The following SZT2 variants were observed in gnomAD, a reference collection of about 807,000 sequenced individuals.
The protein encoded by SZT2 is KICSTOR complex protein SZT2.
In SZT2, 216 loss-of-function variants were observed where a neutral mutation model predicts 404.2. The ratio of observed to expected loss-of-function variants is 0.53; its 90% CI spans 0.48 to 0.60. The LOEUF (loss-of-function observed/expected upper bound fraction) is 0.60. SZT2 is among the 20% of genes least tolerant of loss of function. SZT2 has a pLI of 0.00. For missense variants in SZT2, 3,857 were observed against 4,459.2 expected (o/e 0.86, Z 3.85); for synonymous variants, 1,693 against 1,749.9 (o/e 0.97, Z 0.81).
At position 43,425,587 on chromosome 1, in the gene SZT2, G is replaced by A. The variant is rs764539994; in HGVS notation, c.2759G>A (p.Gly920Asp). 5.6e-6 allele frequency: 9 copies of A among 1,614,164 alleles called. No homozygotes were observed. Among genetic ancestry groups the A allele is most frequent in the African/African-American group, 1.3e-5 (1 of 75,034 alleles). Reference protein sequence around the residue: ...VEPQYGRVGPGPGIWKHLQDL... With the variant: ...VEPQYGRVGPDPGIWKHLQDL... Reference sequence around the variant, plus strand: ...CCACAGTATGGGCGAGTGGGACCTGGCCCTGGAATCTGGAAGCACCTCCAG... The same window carrying A: ...CCACAGTATGGGCGAGTGGGACCTGACCCTGGAATCTGGAAGCACCTCCAG... The change falls in exon 19 of 72, where the codon GGC becomes GAC. Residue 920 changes from glycine to aspartate, a missense_variant. By Grantham distance (94) the Gly-to-Asp change is moderately conservative. Around this residue, in one of 7 missense-constraint regions of SZT2, gnomAD observed 1,725 missense variants for 1,881.0 expected, o/e 0.92. Coordinates refer to ENST00000634258, the MANE Select transcript of SZT2 (RefSeq NM_001365999.1). This position sits in a 1 kb window ranked among gnomAD's most constrained non-coding sequence, Gnocchi z 4.3.
chr1:43,404,779 C>T, intron 4 of SZT2: 1 of 434,956 alleles, frequency 2.3e-6, no homozygotes. Context: ...GTTGATTGGA[C>T]ACCTGCCTTT....
intron 4 of SZT2, chr1:43,409,967 A>G (rs1490246230): frequency 6.6e-6 from 1 of 152,304 alleles, no homozygotes; most frequent in Non-Finnish European, 1.5e-5. Flanking sequence ...ATTCTGAGCA[A>G]AACAAACAAA....
Position 43,422,318 on chromosome 1 carries a change from T to C in SZT2, c.1769+93T>C, listed in dbSNP as rs1570628606. On this transcript the variant is annotated intron_variant, in intron 12 of 71. Coordinates refer to ENST00000634258, the MANE Select transcript of SZT2 (RefSeq NM_001365999.1). ...GGAAGGGGAGCAGCAGATGAGCTCT[T>C]ACCAACTGTGGCCAAGGAAAAACTA... 8.0e-6 allele frequency: 12 copies of C among 1,498,976 alleles called. No individual in the cohort carries two copies. The East Asian group carries it at 2.7e-4, about 34-fold the overall frequency. The allele number at this position is 1,498,976 out of a possible 1,614,324, so 92.9% of individuals were successfully genotyped here.
intron 39 of SZT2, 44 bp downstream of exon 39, chr1:43,432,843 G>A: frequency 6.2e-7 from 1 of 1,606,656 alleles, no homozygotes; most frequent in African/African-American, 1.3e-5. Flanking sequence ...CTGATGGGAG[G>A]TGGGCTTAGG....
chr1:43,442,509 T>C lies in SZT2; in HGVS notation c.8042T>C (p.Leu2681Pro), dbSNP rs1246762862. 1 of 1,614,054 alleles carries C rather than the reference T, an allele frequency of 6.2e-7. No homozygotes were observed. The highest frequency in any genetic ancestry group is 8.5e-7 in the Non-Finnish European group (1 of 1,180,030). Residue 2681 changes from leucine (L) to proline (P), a missense_variant, in exon 58 of 72, where the codon CTG (leucine) becomes CCG (proline). Transcript: ENST00000634258. This position sits in a 1 kb window ranked among gnomAD's most constrained non-coding sequence, Gnocchi z 4.5. The part of the protein sequence containing the change: ...GAALGRALVR[L>P]VQWQNARAHL... ...GCATTGGGCCGAGCGCTGGTTCGCC[T>C]GGTGCAGTGGCAGAATGCACGAGCC...
chr1:43,402,990 G>C (rs1299232335), intron 1 of SZT2, among the ~76,000 whole-genome samples, 187 bp from the exon 2 acceptor site: 1 of 152,146 alleles, frequency 6.6e-6, no homozygotes, highest in Non-Finnish European at 1.5e-5. Context: ...GGGCAAACAG[G>C]AACAGAGAGT....
At chr1:43,409,715 A>G (rs539643680) in intron 4 of SZT2, 1 of 181,392 alleles carries the variant, frequency 5.5e-6, no homozygotes, top group African/African-American at 2.4e-5. Context: ...GAAGTGAAAG[A>G]TCTCTACAAT....
At position 43,452,616 on chromosome 1, in the gene SZT2, A is replaced by T; in HGVS notation, c.*2136A>T. The T allele has an allele frequency of 3.4e-6, 2 of 595,612 alleles. No homozygotes were observed. Among genetic ancestry groups the T allele is most frequent in the South Asian group, 3.9e-5 (2 of 50,648 alleles). 36.9% of individuals were successfully genotyped at this position (595,612 alleles called of 1,614,324 possible). A position where few individuals can be genotyped will look rare whatever the true frequency, so the allele number is the denominator to read the frequency against. On this transcript the variant is annotated 3_prime_UTR_variant, in exon 72 of 72. Coordinates refer to ENST00000634258, the MANE Select transcript of SZT2 (RefSeq NM_001365999.1). ...GTAACCTGCTAAATTCTCACCTTTA[A>T]AAATTGTCCTGACCTTTGCTTGCCC...
Position 43,442,600 on chromosome 1 carries a change from C to A in SZT2, c.8133C>A (p.Phe2711Leu). The change falls in exon 58 of 72, where the codon TTC (phenylalanine) becomes TTA (leucine). Residue 2711 changes from phenylalanine (F) to leucine (L), a missense_variant. Physicochemically the swap from Phe to Leu is conservative, Grantham distance 22. Transcript: ENST00000634258. The surrounding 1 kb of genome is among the most constrained non-coding windows in gnomAD (Gnocchi z 4.5). The stretch of plus-strand genomic sequence containing the variant: ...TCCATCATTATGGCCAGTTGGACTT[C>A]CCCGTGCGAGATGAAAAGGTGCCTG... ...GLFHHYGQLD[F>L]PVRDEKEPNP... The A allele has an allele frequency of 6.2e-7, 1 of 1,605,782 alleles. No homozygotes were observed.
rs770305237 is a variant in SZT2, at chr1:43,447,729, G to A, written c.9440+31G>A. The stretch of plus-strand genomic sequence containing the variant: ...GCTGAGAGGGGCATCCAGCATGCAC[G>A]CTGCAGGAGCTGGGGTTGGGACATA... On this transcript the variant is annotated intron_variant, in intron 67 of 71. Transcript: ENST00000634258. The A allele has an allele frequency of 4.4e-5, 71 of 1,610,838 alleles. 1 individual carries two copies. In the South Asian group the frequency reaches 4.8e-4, roughly 11 times the overall value.
intron 4 of SZT2, among the ~76,000 whole-genome samples, chr1:43,413,656 A>G (rs1301046215): frequency 6.6e-6 from 1 of 152,252 alleles, no homozygotes; most frequent in African/African-American, 2.4e-5. Flanking sequence ...TTGCAACAAC[A>G]TGGATGGAAC....
At chr1:43,402,688 CAG>C (rs1417173593) in intron 1 of SZT2, among the ~76,000 whole-genome samples, 2 of 152,128 alleles carry the variant, frequency 1.3e-5, no homozygotes, top group Non-Finnish European at 2.9e-5. Context: ...CTGTGACCCA[CAG>C]AGGTTTGATT....
At chr1:43,393,631 G>A (rs1178500607) in intron 1 of SZT2, among the ~76,000 whole-genome samples, 3 of 152,138 alleles carry the variant, frequency 2.0e-5, no homozygotes, top group Non-Finnish European at 4.4e-5. Context: ...TATTTTGTGG[G>A]AATGTGTTAA....
chr1:43,416,895 A>G (rs1429107480), intron 7 of SZT2, among the ~76,000 whole-genome samples: 1 of 152,234 alleles, frequency 6.6e-6, no homozygotes, highest in Non-Finnish European at 1.5e-5. Context: ...AGTCATTTCC[A>G]GTCCCACCTC....
At chr1:43,414,260 A>G (rs1415224293) in intron 4 of SZT2, among the ~76,000 whole-genome samples, 1 of 152,158 alleles carries the variant, frequency 6.6e-6, no homozygotes, top group Non-Finnish European at 1.5e-5. Context: ...CCTGGGCGAC[A>G]GAGCAAGGCT....
rs775246219 is a variant in SZT2 at position 43,441,956 on chromosome 1, GTGGTGTCA to G, written c.7743-40_7743-33del. 31 of 1,595,796 alleles carry G rather than the reference GTGGTGTCA, an allele frequency of 1.9e-5. No homozygotes were observed. The highest frequency in any genetic ancestry group is 2.6e-5 in the Non-Finnish European group (30 of 1,168,568). Reference sequence around the variant, plus strand: ...AGGGAGGTGAAGGCTAGGCCAGGGAGTGGTGTCATGGATGGCCTTTCTGTCTGTCCTCC... The same window carrying G: ...AGGGAGGTGAAGGCTAGGCCAGGGAGTGGATGGCCTTTCTGTCTGTCCTCC... On this transcript the variant is annotated intron_variant, in intron 55 of 71. Transcript: ENST00000634258. This position sits in a 1 kb window ranked among gnomAD's most constrained non-coding sequence, Gnocchi z 4.8.
rs1035274867 is a variant in SZT2, at chr1:43,453,452, C to T, written c.*2972C>T. ...CAGTCCCTCTCGGAAGGCCGCCTGT[C>T]TCCCGGGGACGGCCCCCAGCCCCAT... On this transcript the variant is annotated 3_prime_UTR_variant, in exon 72 of 72. Coordinates refer to ENST00000634258, the MANE Select transcript of SZT2 (RefSeq NM_001365999.1). 2 of 1,564,052 alleles carry T rather than the reference C, an allele frequency of 1.3e-6. No homozygotes were observed. The highest frequency in any genetic ancestry group is 8.7e-7 in the Non-Finnish European group (1 of 1,153,138).
chr1:43,451,346 A>T lies in SZT2; in HGVS notation c.*866A>T. On this transcript the variant is annotated 3_prime_UTR_variant, in exon 72 of 72. Coordinates refer to ENST00000634258, the MANE Select transcript of SZT2 (RefSeq NM_001365999.1). Reference sequence around the variant, plus strand: ...GAGGGAGGCCTCGGCACCTCAGCCCACAAGGAGAAAACAGCCCCTGTCCGG... The same window carrying T: ...GAGGGAGGCCTCGGCACCTCAGCCCTCAAGGAGAAAACAGCCCCTGTCCGG... 1 of 1,612,824 alleles carries T rather than the reference A, an allele frequency of 6.2e-7. No homozygotes were observed. Among genetic ancestry groups the T allele is most frequent in the Non-Finnish European group, 8.5e-7 (1 of 1,179,998 alleles).
chr1:43,427,589 G>A lies in SZT2; in HGVS notation c.3658G>A (p.Ala1220Thr), dbSNP rs1330000302. Residue 1220 changes from alanine to threonine, a missense_variant, in exon 26 of 72, where the codon GCT becomes ACT. Coordinates refer to ENST00000634258, the MANE Select transcript of SZT2 (RefSeq NM_001365999.1). ...PPFRRDLQAY[A>T]GRQASQTESA... ...ATTCCGTCGAGACTTACAGGCTTAC[G>A]CTGGGCGTCAGGCTTCCCAGACAGA... The A allele has an allele frequency of 6.2e-7, 1 of 1,614,224 alleles. No homozygotes were observed. Among genetic ancestry groups the A allele is most frequent in the Admixed American group, 1.7e-5 (1 of 60,028 alleles).
Sources: allele counts gnomAD v4.1 joint callset (sites outside exome capture counted in the v4.1 genomes callset), GRCh38; gene constraint gnomAD v4.1.1; regional missense constraint gnomAD v4.1.1; non-coding constraint Gnocchi (gnomAD v3.1); transcripts MANE v1.5; gene names NCBI Gene and HGNC (gene_info 2026-07-23, HGNC 2026-07-21).